ACSM1: variants seen among roughly 807,000 people sequenced by gnomAD.
The protein encoded by ACSM1 is acyl-CoA synthetase medium chain family member 1.
Under a neutral mutation model 75.8 loss-of-function variants are expected in ACSM1, and 79 were observed. That is an observed-to-expected ratio of 1.04 (90% CI 0.87 to 1.26). The LOEUF (loss-of-function observed/expected upper bound fraction) is 1.26, where lower values mean the gene tolerates loss of function less well. Ranked by LOEUF, ACSM1 falls within the 50% of genes most tolerant of loss-of-function variation. The pLI is 0.00. For missense variants in ACSM1, 676 were observed against 720.1 expected, an observed-to-expected ratio of 0.94 and a Z score of 0.70; for synonymous variants, 279 against 265.8, an observed-to-expected ratio of 1.05 and a Z score of -0.48.
chr16:20,662,921 C>T (rs2019371453), intron 6 of ACSM1, among the ~76,000 whole-genome samples: 1 of 152,200 alleles, frequency 6.6e-6, no homozygotes. Flanking sequence ...TCACCCCAGG[C>T]ACAGTGAGTT....
Position 20,640,520 on chromosome 16 carries a change from C to T in ACSM1, c.1057G>A (p.Glu353Lys), listed in dbSNP as rs753176879. Residue 353 changes from glutamate (E) to lysine (K), a missense_variant, in exon 8 of 14, where the codon GAG (glutamate) becomes AAG (lysine). Coordinates refer to ENST00000520010, the MANE Select transcript of ACSM1 (RefSeq NM_001318890.3). ...AGGCCCGTCCGTCTTTTCCACTCCT[C>T]CTGATCCTTGGGCAACACGACCTCC... Reference protein sequence around the residue: ...GGEVVLPKDQEEWKRRTGLLL... With the variant: ...GGEVVLPKDQKEWKRRTGLLL... The T allele has an allele frequency of 2.8e-5, 45 of 1,614,066 alleles. No individual in the cohort carries two copies. In the Admixed American group the frequency reaches 7.5e-4, roughly 27 times the overall value.
Position 20,623,433 on chromosome 16 carries a change from A to C in ACSM1, c.*53T>G. On this transcript the variant is annotated 3_prime_UTR_variant, in exon 14 of 14. Coordinates refer to ENST00000520010, the MANE Select transcript of ACSM1 (RefSeq NM_001318890.3). ...CGTCCTCACCATAGTGGGGAGACTA[A>C]AGTGGCCAGGGATTTGCCTTAGGTG... The C allele has an allele frequency of 6.5e-7, 1 of 1,541,278 alleles. No individual in the cohort carries two copies. Among genetic ancestry groups the C allele is most frequent in the African/African-American group, 1.4e-5 (1 of 73,502 alleles).
At chr16:20,640,387 C>A in intron 8 of ACSM1, 74 bp downstream of exon 8, 1 of 1,567,894 alleles carries the variant, frequency 6.4e-7, no homozygotes. Context: ...AGATGCGTGT[C>A]ATTAACCTTA....
At chr16:20,689,401 A>G (rs372993013) in intron 2 of ACSM1, among the ~76,000 whole-genome samples, 1 of 152,140 alleles carries the variant, frequency 6.6e-6, no homozygotes, top group South Asian at 2.1e-4. Context: ...AGAGACAGAA[A>G]AGCTATAAGA....
intron 6 of ACSM1, among the ~76,000 whole-genome samples, chr16:20,664,859 A>C (rs1872814656): frequency 6.6e-6 from 1 of 152,188 alleles, no homozygotes; most frequent in African/African-American, 2.4e-5. Context: ...ATCACTGAAA[A>C]CCATATAAAA....
At chr16:20,633,084 A>AT (rs1356650346) in intron 10 of ACSM1, among the ~76,000 whole-genome samples, 1 of 152,270 alleles carries the variant, frequency 6.6e-6, no homozygotes, top group South Asian at 2.1e-4. Context: ...AGTTGGAAAG[A>AT]TTTTCTCCTA....
rs548566970 is a variant in ACSM1, at chr16:20,651,604, A to C, written c.992+10190T>G. Among the ~76,000 whole-genome samples the C allele has an allele frequency of 3.3e-5, 5 of 152,284 alleles. No individual in the cohort carries two copies. In the East Asian group the frequency reaches 9.7e-4, roughly 29 times the overall value. ...AGATTGTGCCACTCTAGCCTGCCTG[A>C]CTGAGCAAGACTGTCTCAAAAAAAC... is the stretch of plus-strand genomic sequence containing the variant. On this transcript the variant is annotated intron_variant, in intron 7 of 13. Coordinates refer to ENST00000520010, the MANE Select transcript of ACSM1 (RefSeq NM_001318890.3).
At chr16:20,656,625 CCTAA>C (rs773456748) in intron 7 of ACSM1, among the ~76,000 whole-genome samples, 62 of 152,242 alleles carry the variant, frequency 4.1e-4, no homozygotes, top group African/African-American at 1.2e-3. Context: ...TAGTAACTCT[CCTAA>C]CTGTCAAACT....
At chr16:20,664,478 C>T (rs967574460) in intron 6 of ACSM1, among the ~76,000 whole-genome samples, 1 of 152,084 alleles carries the variant, frequency 6.6e-6, no homozygotes, top group African/African-American at 2.4e-5. Flanking sequence ...TATATGCACA[C>T]CAAATGTTGG....
At chr16:20,669,512 G>A (rs2019770486) in intron 6 of ACSM1, among the ~76,000 whole-genome samples, 1 of 150,470 alleles carries the variant, frequency 6.6e-6, no homozygotes, top group Non-Finnish European at 1.5e-5. Context: ...GCAGCATCAG[G>A]GTCCAGGATC....
chr16:20,678,027 T>TAAATA (rs914459602), intron 4 of ACSM1, among the ~76,000 whole-genome samples: 2 of 151,060 alleles, frequency 1.3e-5, no homozygotes, highest in African/African-American at 4.9e-5. Flanking sequence ...AATAAATAAA[T>TAAATA]AAATAAATAA....
At chr16:20,672,257 G>A (rs2019953760) in intron 4 of ACSM1, among the ~76,000 whole-genome samples, 1 of 150,746 alleles carries the variant, frequency 6.6e-6, no homozygotes, top group African/African-American at 2.4e-5. Flanking sequence ...ATGAGGGGTG[G>A]GGAAGAGAAA....
intron 10 of ACSM1, among the ~76,000 whole-genome samples, chr16:20,635,832 G>A (rs1453940882): frequency 6.6e-6 from 1 of 151,998 alleles, no homozygotes; most frequent in African/African-American, 2.4e-5. Flanking sequence ...GTGGAGATGG[G>A]GTTTCACTGT....
At chr16:20,665,273 GAGA>G (rs1481372259) in intron 6 of ACSM1, among the ~76,000 whole-genome samples, 1 of 152,002 alleles carries the variant, frequency 6.6e-6, no homozygotes, top group Non-Finnish European at 1.5e-5. Context: ...AGAAAAAAAT[GAGA>G]AGATCAAAAT....
intron 10 of ACSM1, among the ~76,000 whole-genome samples, chr16:20,628,892 G>T (rs753241748): frequency 1.1e-4 from 16 of 152,106 alleles, no homozygotes; most frequent in Non-Finnish European, 2.1e-4. Flanking sequence ...TTTAATTCTT[G>T]CTTCATGACC....
chr16:20,675,395 T>C (rs915330748), intron 4 of ACSM1, among the ~76,000 whole-genome samples: 36 of 152,204 alleles, frequency 2.4e-4, no homozygotes, highest in African/African-American at 8.7e-4. Context: ...ATGTTGCATA[T>C]GGCTGATAGG....
chr16:20,639,056 A>G (rs963746816), intron 8 of ACSM1, among the ~76,000 whole-genome samples: 6 of 152,324 alleles, frequency 3.9e-5, no homozygotes, highest in Admixed American at 3.3e-4. Flanking sequence ...TTGGCACTAA[A>G]GTAATAATTT....
intron 2 of ACSM1, among the ~76,000 whole-genome samples, chr16:20,690,251 G>A (rs577407433): frequency 6.6e-6 from 1 of 152,284 alleles, no homozygotes; most frequent in South Asian, 2.1e-4. Context: ...AGACAGTGCT[G>A]GGTGACTTTT....
intron 6 of ACSM1, among the ~76,000 whole-genome samples, chr16:20,663,096 G>A (rs2019380953): frequency 6.6e-6 from 1 of 152,094 alleles, no homozygotes; most frequent in South Asian, 2.1e-4. Context: ...GTGCCAAAGG[G>A]TGGAAGGCTG....
Sources: allele counts gnomAD v4.1 joint callset (sites outside exome capture counted in the v4.1 genomes callset), GRCh38; gene constraint gnomAD v4.1.1; transcripts MANE v1.5; gene names NCBI Gene and HGNC (gene_info 2026-07-23, HGNC 2026-07-21).